The following IGF1R variants were observed in gnomAD, a reference collection of about 807,000 sequenced individuals.
The protein encoded by IGF1R is insulin like growth factor 1 receptor, also known as insulin-like growth factor 1 receptor.
A neutral mutation model predicts 144.6 loss-of-function variants in IGF1R; 44 were observed. The observed-to-expected ratio is 0.30, with a 90% confidence interval of 0.24 to 0.39. The LOEUF (loss-of-function observed/expected upper bound fraction) is 0.39, where lower values mean the gene tolerates loss of function less well. Among genes scored for constraint, IGF1R ranks in the 10% least tolerant of loss-of-function variants. The pLI, the probability that IGF1R is intolerant of heterozygous loss-of-function variation, is 1.00. For missense variants in IGF1R, 1,355 were observed against 1,833.7 expected (o/e 0.74, Z 4.77); for synonymous variants, 795 against 722.8 (o/e 1.10, Z -1.60).
chr15:98,868,653 G>C (rs578159691), intron 2 of IGF1R, among the ~76,000 whole-genome samples: 1 of 152,174 alleles, frequency 6.6e-6, no homozygotes, highest in Non-Finnish European at 1.5e-5. Context: ...TCTTCAAGCT[G>C]TGTGACTCTG....
intron 2 of IGF1R, among the ~76,000 whole-genome samples, chr15:98,847,016 A>G (rs2011354300): frequency 1.3e-5 from 2 of 152,064 alleles, no homozygotes; most frequent in African/African-American, 4.8e-5. Context: ...TCACTCCCTC[A>G]CCCAGGTCAG....
chr15:98,932,320 A>C (rs1267879230), intron 15 of IGF1R, among the ~76,000 whole-genome samples: 1 of 152,218 alleles, frequency 6.6e-6, no homozygotes, highest in African/African-American at 2.4e-5. Flanking sequence ...ATGACATTGC[A>C]GTTCAAAAGT....
At chr15:98,830,045 C>G (rs893805129) in intron 2 of IGF1R, among the ~76,000 whole-genome samples, 2 of 152,192 alleles carry the variant, frequency 1.3e-5, no homozygotes, top group African/African-American at 4.8e-5. Flanking sequence ...GATGGAGCAG[C>G]CTATCCACTG....
At position 98,913,290 on chromosome 15, in the gene IGF1R, T is replaced by C. The variant is rs549407725; in HGVS notation, c.1828+8T>C. The C allele has an allele frequency of 2.5e-6, 4 of 1,605,286 alleles. No individual in the cohort carries two copies. In the East Asian group the frequency reaches 8.9e-5, roughly 36 times the overall value. The stretch of plus-strand genomic sequence containing the variant: ...TTCGCACCAATGCTTCAGGTATCCA[T>C]GCCTAGACAAGCCCCCAGCATCCAC... On this transcript the variant is annotated splice_region_variant and intron_variant, in intron 8 of 20. Transcript: ENST00000650285.
chr15:98,938,527 C>T (rs2016243836), intron 17 of IGF1R, among the ~76,000 whole-genome samples: 1 of 152,180 alleles, frequency 6.6e-6, no homozygotes, highest in African/African-American at 2.4e-5. Context: ...AAGAGGAATG[C>T]TTATCCCTGT....
intron 2 of IGF1R, among the ~76,000 whole-genome samples, chr15:98,802,823 A>G (rs551093424): frequency 4.6e-5 from 7 of 152,324 alleles, no homozygotes; most frequent in African/African-American, 1.7e-4. Context: ...TAATTCCTTT[A>G]TCTTACTTTT....
chr15:98,708,139 T>G (rs1396239366), intron 2 of IGF1R, 32 bp downstream of exon 2: 2 of 1,574,724 alleles, frequency 1.3e-6, no homozygotes, highest in South Asian at 2.2e-5. Context: ...GCTTTCTCTC[T>G]GCCTCTCTCT....
Position 98,728,007 on chromosome 15 carries a change from G to GTTTTTT in IGF1R, c.640+19917_640+19922dup, listed in dbSNP as rs10680958. On this transcript the variant is annotated intron_variant, in intron 2 of 20. Transcript: ENST00000650285. ...CCACTGTACTCACTGAAGATGCATT[G>GTTTTTT]TTTTTTTTTTTTTTTTTTTTTTAAG... 3.0e-4 allele frequency among the ~76,000 whole-genome samples: 33 copies of GTTTTTT among 108,736 alleles called. 2 individuals are homozygous for GTTTTTT. Among genetic ancestry groups the GTTTTTT allele is most frequent in the South Asian group, 6.5e-4 (2 of 3,082 alleles). 71.3% of individuals were successfully genotyped at this position (108,736 alleles called of 152,430 possible).
At chr15:98,713,074 T>A (rs1285000959) in intron 2 of IGF1R, among the ~76,000 whole-genome samples, 2 of 151,954 alleles carry the variant, frequency 1.3e-5, no homozygotes, top group African/African-American at 4.8e-5. Flanking sequence ...GCCTGCTGTG[T>A]CCTTGGCCCC....
At chr15:98,917,565 C>A (rs905549021) in intron 10 of IGF1R, among the ~76,000 whole-genome samples, 1 of 152,136 alleles carries the variant, frequency 6.6e-6, no homozygotes, top group East Asian at 1.9e-4. Context: ...TTCATAGTAG[C>A]CAAATCTGGA....
intron 2 of IGF1R, among the ~76,000 whole-genome samples, chr15:98,859,599 G>A (rs772425709): frequency 3.3e-5 from 5 of 152,138 alleles, no homozygotes; most frequent in African/African-American, 4.8e-5. Flanking sequence ...ACTGTATCTG[G>A]GTTTTCTGAT....
rs56013396 is a variant in IGF1R at position 98,891,425 on chromosome 15, C to T, written c.741C>T (p.Ala247=). The T allele has an allele frequency of 3.7e-6, 6 of 1,613,762 alleles. No homozygotes were observed. Among genetic ancestry groups the T allele is most frequent in the Non-Finnish European group, 4.2e-6 (5 of 1,180,026 alleles). The change falls in exon 3 of 21, where the codon GCC becomes GCT. Residue 247 remains alanine, a synonymous_variant. Transcript: ENST00000650285. The surrounding 1 kb of genome is among the most constrained non-coding windows in gnomAD (Gnocchi z 4.7). ...GCAGCGCGCCTGACAACGACACGGC[C>T]TGTGTAGCTTGCCGCCACTACTACT... The part of the protein sequence containing the change: ...GSCSAPDNDT[A]CVACRHYYYA...
At chr15:98,865,517 T>TC (rs1347890731) in intron 2 of IGF1R, among the ~76,000 whole-genome samples, 1 of 152,126 alleles carries the variant, frequency 6.6e-6, no homozygotes, top group Non-Finnish European at 1.5e-5. Flanking sequence ...CCTCACGTGG[T>TC]CCCAGGCCAC....
chr15:98,772,115 T>C (rs2055601162), intron 2 of IGF1R, among the ~76,000 whole-genome samples: 1 of 152,140 alleles, frequency 6.6e-6, no homozygotes, highest in Non-Finnish European at 1.5e-5. Context: ...GAATTCTAAT[T>C]GAAGTAAAAG....
chr15:98,651,147 C>A, intron 1 of IGF1R: 1 of 806,804 alleles, frequency 1.2e-6, no homozygotes, highest in Non-Finnish European at 1.5e-6. Context: ...ACGACTGAGC[C>A]TTCACGAGTG....
chr15:98,750,343 C>A (rs960687232), intron 2 of IGF1R, among the ~76,000 whole-genome samples: 9 of 152,160 alleles, frequency 5.9e-5, no homozygotes, highest in Admixed American at 1.3e-4. Flanking sequence ...CCTCCCTGAT[C>A]AAGGGCCCTT....
At chr15:98,813,555 C>T (rs568393690) in intron 2 of IGF1R, among the ~76,000 whole-genome samples, 37 of 152,346 alleles carry the variant, frequency 2.4e-4, no homozygotes, top group African/African-American at 8.2e-4. Context: ...GGTTCTTCTC[C>T]GTGTGGCCCC....
chr15:98,710,177 G>C (rs1297470575), intron 2 of IGF1R, among the ~76,000 whole-genome samples: 3 of 152,126 alleles, frequency 2.0e-5, no homozygotes, highest in African/African-American at 7.2e-5. Context: ...ATCACCTGTT[G>C]GTTGGTCACC....
intron 2 of IGF1R, among the ~76,000 whole-genome samples, chr15:98,800,346 C>T (rs2056334813): frequency 6.6e-6 from 1 of 152,090 alleles, no homozygotes. Flanking sequence ...AGATTTCTAG[C>T]AGGCTGCATA....
Sources: allele counts gnomAD v4.1 joint callset (sites outside exome capture counted in the v4.1 genomes callset), GRCh38; gene constraint gnomAD v4.1.1; non-coding constraint Gnocchi (gnomAD v3.1); transcripts MANE v1.5; gene names NCBI Gene and HGNC (gene_info 2026-07-23, HGNC 2026-07-21).